POU6F2: variants seen among roughly 807,000 people sequenced by gnomAD.
POU6F2 encodes POU class 6 homeobox 2.
Under a neutral mutation model 71.3 loss-of-function variants are expected in POU6F2, and 31 were observed. The ratio of observed to expected loss-of-function variants is 0.43; its 90% confidence interval spans 0.33 to 0.59. The LOEUF (loss-of-function observed/expected upper bound fraction) is 0.59. Among genes scored for constraint, POU6F2 ranks in the 20% least tolerant of loss-of-function variants. The pLI is 0.04. For missense variants in POU6F2, 783 were observed against 856.8 expected, an observed-to-expected ratio of 0.91 and a Z score of 1.07; for synonymous variants, 347 against 355.7, an observed-to-expected ratio of 0.98 and a Z score of 0.27.
intron 6 of POU6F2, among the ~76,000 whole-genome samples, chr7:39,418,406 C>T (rs1370961465): frequency 6.6e-6 from 1 of 152,096 alleles, no homozygotes; most frequent in African/African-American, 2.4e-5. Flanking sequence ...AAAAGTTAAA[C>T]AGGTCAGGCA....
At chr7:39,438,932 ATCTG>A (rs1283294828) in intron 7 of POU6F2, among the ~76,000 whole-genome samples, 2 of 152,186 alleles carry the variant, frequency 1.3e-5, no homozygotes, top group African/African-American at 2.4e-5. Context: ...TGTCTCATTG[ATCTG>A]TCTAATACTG....
At chr7:39,440,820 G>C (rs1238342172) in intron 7 of POU6F2, among the ~76,000 whole-genome samples, 1 of 152,130 alleles carries the variant, frequency 6.6e-6, no homozygotes, top group Non-Finnish European at 1.5e-5. Context: ...TTGTGAGTTT[G>C]TCTAGTTTCA....
chr7:39,060,664 C>T (rs972122846), intron 1 of POU6F2, among the ~76,000 whole-genome samples: 1 of 152,170 alleles, frequency 6.6e-6, no homozygotes, highest in Non-Finnish European at 1.5e-5. Context: ...TAGCTAGACG[C>T]AGAAAGTAGA....
chr7:39,242,663 G>A (rs926777632), intron 4 of POU6F2, among the ~76,000 whole-genome samples: 2 of 152,116 alleles, frequency 1.3e-5, no homozygotes, highest in African/African-American at 4.8e-5. Context: ...CTGAGGGGAT[G>A]AGAAGGGTAG....
intron 5 of POU6F2, among the ~76,000 whole-genome samples, chr7:39,379,713 C>T (rs776907211): frequency 1.3e-5 from 2 of 151,998 alleles, no homozygotes; most frequent in Non-Finnish European, 2.9e-5. Context: ...AAACACAAAT[C>T]CAGGGCTGGT....
Position 39,207,456 on chromosome 7 carries a change from C to A in POU6F2, c.434C>A (p.Ala145Asp). 6.2e-7 allele frequency: 1 copy of A among 1,614,022 alleles called. No individual in the cohort carries two copies. The highest frequency in any genetic ancestry group is 8.5e-7 in the Non-Finnish European group (1 of 1,179,884). Residue 145 changes from alanine to aspartate, a missense_variant, in exon 4 of 10, where the codon GCC (alanine) becomes GAC (aspartate). Ala to Asp is a moderately radical substitution (Grantham distance 126). This residue lies in a region of POU6F2 where 572 missense variants were observed against 572.9 expected (regional missense o/e 1.00). Coordinates refer to ENST00000518318, the MANE Select transcript of POU6F2 (RefSeq NM_001370959.1). ...VAGVMPGGPP[A>D]LNQPILIPFN... ...GGCGTGATGCCGGGAGGCCCCCCAGCCCTCAACCAGCCAATCCTCATTCCC... is the reference window on the plus strand; with the variant it reads ...GGCGTGATGCCGGGAGGCCCCCCAGACCTCAACCAGCCAATCCTCATTCCC...
intron 5 of POU6F2, among the ~76,000 whole-genome samples, chr7:39,381,366 T>C (rs1183062529): frequency 6.6e-6 from 1 of 152,178 alleles, no homozygotes; most frequent in Admixed American, 6.5e-5. Context: ...GCTTCTTGAG[T>C]AGCTGGGACT....
rs563482499 is a variant in POU6F2 at position 39,462,320 on chromosome 7, G to T, written c.1658+1605G>T. Reference sequence around the variant, plus strand: ...CCAGTATTTCAGTGAGATCGTTTTAGGAGCTATCTACCAAGAAAAGAAAGA... The same window carrying T: ...CCAGTATTTCAGTGAGATCGTTTTATGAGCTATCTACCAAGAAAAGAAAGA... On this transcript the variant is annotated intron_variant, in intron 9 of 9. Transcript: ENST00000518318. 1.3e-4 allele frequency among the ~76,000 whole-genome samples: 20 copies of T among 152,264 alleles called. 1 individual carries two copies. The South Asian group carries it at 4.1e-3, about 32-fold the overall frequency.
chr7:39,416,117 C>CACACAA (rs1384307588), intron 6 of POU6F2, among the ~76,000 whole-genome samples: 5 of 151,710 alleles, frequency 3.3e-5, no homozygotes, highest in Admixed American at 3.3e-4. Flanking sequence ...CACACACACA[C>CACACAA]ACACACACAC....
At chr7:39,361,631 T>C (rs890074682) in intron 5 of POU6F2, among the ~76,000 whole-genome samples, 2 of 152,256 alleles carry the variant, frequency 1.3e-5, no homozygotes, top group African/African-American at 4.8e-5. Flanking sequence ...AACATGTACC[T>C]ATTTTCTGAA....
intron 1 of POU6F2, among the ~76,000 whole-genome samples, chr7:39,049,474 C>A (rs1226506233): frequency 6.6e-6 from 1 of 151,920 alleles, no homozygotes; most frequent in East Asian, 1.9e-4. Flanking sequence ...TTCATCAGAT[C>A]TCTTTCTTTC....
chr7:39,093,780 A>G (rs888225979), intron 2 of POU6F2, among the ~76,000 whole-genome samples: 5 of 152,056 alleles, frequency 3.3e-5, no homozygotes, highest in African/African-American at 1.2e-4. Flanking sequence ...CCACTTCCAT[A>G]CTTTATTTTT....
At chr7:39,311,571 T>G (rs1365334255) in intron 4 of POU6F2, among the ~76,000 whole-genome samples, 1 of 152,220 alleles carries the variant, frequency 6.6e-6, no homozygotes, top group Non-Finnish European at 1.5e-5. Flanking sequence ...TCAATAAGTA[T>G]TTGTTGAATT....
At chr7:39,219,243 T>C (rs747868303) in intron 4 of POU6F2, among the ~76,000 whole-genome samples, 2 of 152,176 alleles carry the variant, frequency 1.3e-5, no homozygotes, top group Non-Finnish European at 2.9e-5. Context: ...TTTTTAATCT[T>C]CTAAGGATTT....
intron 2 of POU6F2, among the ~76,000 whole-genome samples, chr7:39,150,899 T>C (rs1459845062): frequency 6.6e-6 from 1 of 152,112 alleles, no homozygotes; most frequent in East Asian, 1.9e-4. Context: ...GTGGTATTAA[T>C]TTGCATTTAC....
In POU6F2 at chr7:39,014,621, AT is replaced by A. The variant is rs200150526; in HGVS notation, c.105+36571del. 5.3e-3 allele frequency among the ~76,000 whole-genome samples: 804 copies of A among 152,014 alleles called. 7 individuals are homozygous for A. The highest frequency in any genetic ancestry group is 0.018 in the African/African-American group (738 of 41,454). On this transcript the variant is annotated intron_variant, in intron 1 of 9. Transcript: ENST00000518318. ...ATCTTATGGATTCAGAAAAAGCTGA[AT>A]TTTTTTTCATTCTTTGTCAATTTAT...
At chr7:39,409,855 T>C (rs908421801) in intron 6 of POU6F2, among the ~76,000 whole-genome samples, 10 of 152,232 alleles carry the variant, frequency 6.6e-5, no homozygotes, top group Admixed American at 2.6e-4. Context: ...TTTAAAGAGA[T>C]AGGAAATCTC....
chr7:39,433,873 TA>T (rs1788167439), intron 7 of POU6F2, among the ~76,000 whole-genome samples: 1 of 152,218 alleles, frequency 6.6e-6, no homozygotes, highest in Non-Finnish European at 1.5e-5. Flanking sequence ...AGTGTCTGGT[TA>T]ATTGGCTCCT....
chr7:39,115,871 T>G (rs1003669758), intron 2 of POU6F2, among the ~76,000 whole-genome samples: 1 of 152,200 alleles, frequency 6.6e-6, no homozygotes, highest in Non-Finnish European at 1.5e-5. Flanking sequence ...GGCAACAGCT[T>G]CTCTTTCCTG....
Sources: gnomAD v4.1 joint callset for allele counts (sites outside exome capture counted in the v4.1 genomes callset) on GRCh38, gnomAD v4.1.1 for gene constraint, gnomAD v4.1.1 regional missense constraint, MANE v1.5 for transcripts, NCBI Gene and HGNC (gene_info 2026-07-23, HGNC 2026-07-21) for gene names.